Variants in DDX42 observed in about 807,000 individuals in gnomAD.
The protein encoded by DDX42 is DEAD-box helicase 42, also known as ATP-dependent RNA helicase DDX42.
DDX42 carries 22 observed loss-of-function variants against 101.5 expected under a neutral mutation model. The ratio of observed to expected loss-of-function variants is 0.22; its 90% CI spans 0.15 to 0.31. The LOEUF (loss-of-function observed/expected upper bound fraction) is 0.31, where lower values mean the gene tolerates loss of function less well. Ranked by LOEUF, DDX42 falls within the 10% of genes least tolerant of loss-of-function variation. The pLI is 1.00. For synonymous variants in DDX42, 402 were observed against 401.2 expected, an observed-to-expected ratio of 1.00 and a Z score of -0.02; for missense variants, 849 against 1,199.9, an observed-to-expected ratio of 0.71 and a Z score of 4.32.
chr17:63,801,344 C>T (rs190383322), intron 6 of DDX42, among the ~76,000 whole-genome samples: 5 of 150,910 alleles, frequency 3.3e-5, no homozygotes, highest in African/African-American at 4.9e-5. Flanking sequence ...CGTGAGCCAC[C>T]GCACCCAGCC....
chr17:63,786,104 T>C (rs1002465604), intron 1 of DDX42, among the ~76,000 whole-genome samples: 2 of 152,226 alleles, frequency 1.3e-5, no homozygotes, highest in Non-Finnish European at 2.9e-5. Context: ...GGGGATGATA[T>C]TAAATACTGC....
At chr17:63,807,960 C>T (rs2039862454) in intron 9 of DDX42, 60 bp downstream of exon 9, 1 of 1,504,594 alleles carries the variant, frequency 6.6e-7, no homozygotes, top group Non-Finnish European at 8.9e-7. Flanking sequence ...ACCAGCCAGT[C>T]AAGTGAGGTA....
intron 15 of DDX42, among the ~76,000 whole-genome samples, chr17:63,814,370 A>G (rs2039949958): frequency 1.3e-5 from 2 of 152,228 alleles, no homozygotes; most frequent in Admixed American, 6.5e-5. Flanking sequence ...AGCTCACACA[A>G]CTGGTACAAC....
intron 1 of DDX42, chr17:63,776,312 C>T (rs978064258): frequency 1.3e-5 from 2 of 152,324 alleles, no homozygotes. Context: ...CAGTCTTTCT[C>T]CCTGGAATGT....
Position 63,784,468 on chromosome 17 carries a change from A to G in DDX42, c.-16-2566A>G, listed in dbSNP as rs116238275. 1.4e-3 allele frequency among the ~76,000 whole-genome samples: 210 copies of G among 152,274 alleles called. 1 individual carries two copies. Among genetic ancestry groups the G allele is most frequent in the African/African-American group, 4.9e-3 (203 of 41,562 alleles). On this transcript the variant is annotated intron_variant, in intron 1 of 17. Coordinates refer to ENST00000389924, the MANE Select transcript of DDX42 (RefSeq NM_203499.3). The stretch of plus-strand genomic sequence containing the variant: ...ATGTGTAATGGATACTTTTTCATAA[A>G]TGTAAGTAGTAGTTAAAATTTTTAG...
Position 63,798,832 on chromosome 17 carries a change from T to C in DDX42, c.434+733T>C, listed in dbSNP as rs115511885. ...GTCCTTTACCAGGGTTTCTGTTCCATATGGAGATTTAGCTGTGGTTTTGGT... is the reference window on the plus strand; with the variant it reads ...GTCCTTTACCAGGGTTTCTGTTCCACATGGAGATTTAGCTGTGGTTTTGGT... On this transcript the variant is annotated intron_variant, in intron 4 of 17. Coordinates refer to ENST00000389924, the MANE Select transcript of DDX42 (RefSeq NM_203499.3). Among the ~76,000 whole-genome samples the C allele has an allele frequency of 5.1e-3, 772 of 152,312 alleles. 18 individuals are homozygous for C. The highest frequency in any genetic ancestry group is 0.018 in the African/African-American group (739 of 41,574).
intron 1 of DDX42, among the ~76,000 whole-genome samples, chr17:63,784,065 C>T (rs560752848): frequency 6.6e-6 from 1 of 151,438 alleles, no homozygotes; most frequent in African/African-American, 2.4e-5. Context: ...CTCTGTCTCC[C>T]AAAAAAACAA....
intron 3 of DDX42, among the ~76,000 whole-genome samples, chr17:63,797,352 CA>C (rs59892636): frequency 6.6e-4 from 66 of 100,034 alleles, no homozygotes; most frequent in Admixed American, 1.3e-3. Context: ...AACTCCATCT[CA>C]AAAAAAAAAA....
intron 2 of DDX42, among the ~76,000 whole-genome samples, chr17:63,789,958 G>A (rs1248430149): frequency 1.3e-5 from 2 of 152,124 alleles, no homozygotes; most frequent in African/African-American, 2.4e-5. Flanking sequence ...TTAAGTTTTA[G>A]CAAAGTCAGA....
intron 1 of DDX42, among the ~76,000 whole-genome samples, chr17:63,781,682 T>C (rs1465574824): frequency 1.3e-5 from 2 of 152,122 alleles, no homozygotes; most frequent in East Asian, 3.9e-4. Flanking sequence ...GCTTCTCTTT[T>C]TCTGCCCATT....
At chr17:63,797,036 C>T (rs1170364550) in intron 3 of DDX42, among the ~76,000 whole-genome samples, 1 of 152,070 alleles carries the variant, frequency 6.6e-6, no homozygotes, top group Non-Finnish European at 1.5e-5. Flanking sequence ...ACTCTTCTGA[C>T]CTTGATTTTC....
At chr17:63,777,572 G>T (rs745479679) in intron 1 of DDX42, among the ~76,000 whole-genome samples, 1 of 151,052 alleles carries the variant, frequency 6.6e-6, no homozygotes, top group Non-Finnish European at 1.5e-5. Flanking sequence ...CTCAGCCTCC[G>T]GAGTAGCTGG....
intron 2 of DDX42, among the ~76,000 whole-genome samples, chr17:63,789,577 T>G (rs533785126): frequency 0.015 from 1,620 of 109,992 alleles, 26 homozygotes; most frequent in Admixed American, 0.026. Flanking sequence ...TTTTGTTTTT[T>G]TTTTTTTTTT....
chr17:63,808,985 C>T (rs2039876841), intron 10 of DDX42, 37 bp downstream of exon 10: 1 of 1,602,958 alleles, frequency 6.2e-7, no homozygotes. Flanking sequence ...TTCTCAGCCT[C>T]CCTCGGTATG....
At position 63,812,001 on chromosome 17, in the gene DDX42, C is replaced by T. The variant is rs765384337; in HGVS notation, c.1468C>T (p.Arg490Trp). 9 of 1,614,166 alleles carry T rather than the reference C, an allele frequency of 5.6e-6. No individual in the cohort carries two copies. Among genetic ancestry groups the T allele is most frequent in the South Asian group, 5.5e-5 (5 of 91,080 alleles). Residue 490 changes from arginine (R) to tryptophan (W), a missense_variant, in exon 14 of 18, where the codon CGG becomes TGG. Arg to Trp is a moderately radical substitution (Grantham distance 101). Coordinates refer to ENST00000389924, the MANE Select transcript of DDX42 (RefSeq NM_203499.3). ...SGPSKWNWLTRRLVEFTSSGS... is the reference protein window; with the variant it reads ...SGPSKWNWLTWRLVEFTSSGS... ...ACCTAGTAAATGGAACTGGCTTACC[C>T]GGCGTCTGGTAGAATTTACCTCTTC...
chr17:63,794,935 TAAAAA>T (rs11352891), intron 3 of DDX42, among the ~76,000 whole-genome samples: 1 of 133,390 alleles, frequency 7.5e-6, no homozygotes, highest in African/African-American at 2.8e-5. Flanking sequence ...GACTCCATCT[TAAAAA>T]AAAAAAAAAA....
At chr17:63,790,785 A>G (rs1163432244) in intron 2 of DDX42, among the ~76,000 whole-genome samples, 1 of 151,924 alleles carries the variant, frequency 6.6e-6, no homozygotes, top group African/African-American at 2.4e-5. Flanking sequence ...ACAAAAATTA[A>G]CTGGGTGCAG....
In DDX42 at chr17:63,818,295, A is replaced by T. The variant is rs1372489737; in HGVS notation, c.2714A>T (p.Asp905Val). ...KMEPKMEPKV[D>V]SSKMDKVDSK... ...GAGCCCAAGATGGAACCCAAAGTGG[A>T]CAGCAGCAAGATGGACAAGGTGGAC... The change falls in exon 18 of 18, where the codon GAC becomes GTC. Residue 905 changes from aspartate (D) to valine (V), a missense_variant. Coordinates refer to ENST00000389924, the MANE Select transcript of DDX42 (RefSeq NM_203499.3). 6.2e-7 allele frequency: 1 copy of T among 1,613,974 alleles called. No homozygotes were observed. The highest frequency in any genetic ancestry group is 1.3e-5 in the African/African-American group (1 of 74,942).
chr17:63,774,660 A>C (rs564797586), intron 1 of DDX42: 2 of 152,648 alleles, frequency 1.3e-5, no homozygotes, highest in Non-Finnish European at 2.9e-5. Flanking sequence ...TCGCCTAGGA[A>C]AAGGATTTGC....
Sources: allele counts gnomAD v4.1 joint callset (sites outside exome capture counted in the v4.1 genomes callset), GRCh38; gene constraint gnomAD v4.1.1; transcripts MANE v1.5; gene names NCBI Gene and HGNC (gene_info 2026-07-23, HGNC 2026-07-21).